ANKRD12: variants seen among roughly 807,000 people sequenced by gnomAD.
ANKRD12 encodes ankyrin repeat domain-containing protein 12.
In ANKRD12, 85 loss-of-function variants were observed where a neutral mutation model predicts 183.4. The observed-to-expected ratio is 0.46, with a 90% confidence interval of 0.39 to 0.56. The LOEUF is 0.56. Ranked by LOEUF, ANKRD12 falls within the 20% of genes least tolerant of loss-of-function variation. The pLI is 0.00. For missense variants in ANKRD12, 2,405 were observed against 2,357.1 expected, an observed-to-expected ratio of 1.02 and a Z score of -0.42; for synonymous variants, 914 against 800.2, an observed-to-expected ratio of 1.14 and a Z score of -2.40.
At position 9,263,898 on chromosome 18, in the gene ANKRD12, GTTTAAA is replaced by G; in HGVS notation, c.5763+15_5763+20del. 1 of 1,422,932 alleles carries G rather than the reference GTTTAAA, an allele frequency of 7.0e-7. No homozygotes were observed. 88.1% of individuals were successfully genotyped at this position (1,422,932 alleles called of 1,614,324 possible). On this transcript the variant is annotated intron_variant, in intron 10 of 12. Coordinates refer to ENST00000262126, the MANE Select transcript of ANKRD12 (RefSeq NM_015208.5). ...ACACAGTATTGAAAGGGTAAGAAAT[GTTTAAA>G]TTTACACTTATGCTAAAAATAACTG...
chr18:9,152,657 TA>T (rs1020446711), intron 1 of ANKRD12, among the ~76,000 whole-genome samples: 1 of 152,236 alleles, frequency 6.6e-6, no homozygotes, highest in South Asian at 2.1e-4. Flanking sequence ...TTACCACACT[TA>T]AAAAAATTTT....
At chr18:9,190,601 A>G (rs539935622) in intron 2 of ANKRD12, among the ~76,000 whole-genome samples, 20 of 152,278 alleles carry the variant, frequency 1.3e-4, no homozygotes, top group South Asian at 1.0e-3. Flanking sequence ...TCACATGGCA[A>G]ACTTCATTGT....
Position 9,254,984 on chromosome 18 carries a change from G to T in ANKRD12, c.1717G>T (p.Glu573Ter). ...AACATGTTTATCACCAGGAAGTTCT[G>T]AAATGTCATTACAGCCTGATCTTGT... Reference protein sequence around the residue: ...TKTCLSPGSSEMSLQPDLVRY... With the variant: ...TKTCLSPGSS The change falls in exon 9 of 13, where the codon GAA becomes TAA. Residue 573 changes from glutamate (E) to a stop codon, truncating the protein, a stop_gained. Transcript: ENST00000262126. LOFTEE classifies it high-confidence loss of function. 6.2e-7 allele frequency: 1 copy of T among 1,608,438 alleles called. No homozygotes were observed. Among genetic ancestry groups the T allele is most frequent in the Non-Finnish European group, 8.5e-7 (1 of 1,177,960 alleles).
intron 7 of ANKRD12, among the ~76,000 whole-genome samples, chr18:9,217,925 C>T (rs2036202796): frequency 6.6e-6 from 1 of 152,138 alleles, no homozygotes; most frequent in African/African-American, 2.4e-5. Context: ...GGATAACTGA[C>T]TGAGGATAGG....
At chr18:9,186,729 A>G (rs1235201593) in intron 2 of ANKRD12, among the ~76,000 whole-genome samples, 1 of 148,942 alleles carries the variant, frequency 6.7e-6, no homozygotes, top group African/African-American at 2.5e-5. Context: ...GTATATTTGC[A>G]ATGTGTATTT....
intron 1 of ANKRD12, among the ~76,000 whole-genome samples, chr18:9,155,057 T>G (rs1214635985): frequency 6.6e-6 from 1 of 152,164 alleles, no homozygotes; most frequent in East Asian, 1.9e-4. Context: ...CATGGCTTAG[T>G]GAATAAAAAT....
At chr18:9,172,779 A>C (rs9946838) in intron 1 of ANKRD12, among the ~76,000 whole-genome samples, 120,200 of 152,164 alleles carry the variant, frequency 0.79, 47,681 homozygotes, top group Middle Eastern at 0.88. Flanking sequence ...GTGTTGTGGT[A>C]ATTTAGAGAA....
At chr18:9,246,929 G>A (rs530654256) in intron 8 of ANKRD12, among the ~76,000 whole-genome samples, 10 of 152,016 alleles carry the variant, frequency 6.6e-5, no homozygotes, top group African/African-American at 1.9e-4. Context: ...TGCCAGAACC[G>A]ATGTGACTTT....
At chr18:9,188,010 A>G (rs1293661987) in intron 2 of ANKRD12, among the ~76,000 whole-genome samples, 1 of 152,238 alleles carries the variant, frequency 6.6e-6, no homozygotes, top group Non-Finnish European at 1.5e-5. Context: ...ATGAAAATAG[A>G]AATTACCTAT....
At chr18:9,180,353 A>G (rs887835333) in intron 1 of ANKRD12, among the ~76,000 whole-genome samples, 2 of 152,042 alleles carry the variant, frequency 1.3e-5, no homozygotes, top group Non-Finnish European at 2.9e-5. Flanking sequence ...ACCTATTATT[A>G]TATTTGAAGC....
At chr18:9,166,894 A>G (rs1013719558) in intron 1 of ANKRD12, among the ~76,000 whole-genome samples, 5 of 152,150 alleles carry the variant, frequency 3.3e-5, no homozygotes, top group Non-Finnish European at 7.3e-5. Context: ...TAATTTTTGT[A>G]TAGGTGTAAG....
chr18:9,138,119 C>T (rs937258283), intron 1 of ANKRD12, among the ~76,000 whole-genome samples: 5 of 152,238 alleles, frequency 3.3e-5, no homozygotes, highest in African/African-American at 1.2e-4. Flanking sequence ...GAGCCTGCAT[C>T]TGCAGTCATG....
chr18:9,237,359 C>A (rs1381421750), intron 8 of ANKRD12, among the ~76,000 whole-genome samples: 1 of 152,154 alleles, frequency 6.6e-6, no homozygotes, highest in Non-Finnish European at 1.5e-5. Flanking sequence ...AACATTCTGT[C>A]CACTTGTGTG....
intron 5 of ANKRD12, among the ~76,000 whole-genome samples, chr18:9,209,503 G>A (rs909981351): frequency 1.1e-4 from 17 of 152,170 alleles, no homozygotes; most frequent in African/African-American, 4.1e-4. Context: ...TTTTCAGTGA[G>A]TTTTTCCTGT....
Position 9,263,793 on chromosome 18 carries a change from ACAC to A in ANKRD12, c.5676_5678del (p.Pro1893del). ...CTATATATATCTTTTTAATTAGATT[ACAC>A]CACCACCTTCACTGTCAGATCCACT... On this transcript the variant is annotated inframe_deletion, in exon 10 of 13. Transcript: ENST00000262126. 1 of 1,549,708 alleles carries A rather than the reference ACAC, an allele frequency of 6.5e-7. No homozygotes were observed. The highest frequency in any genetic ancestry group is 8.8e-7 in the Non-Finnish European group (1 of 1,140,350).
At chr18:9,263,737 C>T in intron 9 of ANKRD12, 53 bp from the exon 10 acceptor site, 1 of 1,315,796 alleles carries the variant, frequency 7.6e-7, no homozygotes, top group Non-Finnish European at 1.0e-6. Flanking sequence ...AAGAATAGCC[C>T]ATTATTGTAA....
intron 1 of ANKRD12, among the ~76,000 whole-genome samples, chr18:9,162,646 A>G (rs1009403799): frequency 6.6e-6 from 1 of 152,180 alleles, no homozygotes; most frequent in Non-Finnish European, 1.5e-5. Flanking sequence ...ACAATAGTTG[A>G]ACTAATTCCT....
chr18:9,172,008 G>GA (rs1335454453), intron 1 of ANKRD12, among the ~76,000 whole-genome samples: 2 of 134,686 alleles, frequency 1.5e-5, no homozygotes, highest in Non-Finnish European at 3.1e-5. Context: ...CAGGAAGAGT[G>GA]AAATGAAGCT....
chr18:9,237,232 A>T (rs1372581495), intron 8 of ANKRD12, among the ~76,000 whole-genome samples: 1 of 152,222 alleles, frequency 6.6e-6, no homozygotes, highest in African/African-American at 2.4e-5. Context: ...TGAAATATCT[A>T]TCAATGAAAT....
Sources: allele counts gnomAD v4.1 joint callset (sites outside exome capture counted in the v4.1 genomes callset), GRCh38; gene constraint gnomAD v4.1.1; transcripts MANE v1.5; gene names NCBI Gene and HGNC (gene_info 2026-07-23, HGNC 2026-07-21).